The following CFAP54 variants were observed in gnomAD, a reference collection of about 807,000 sequenced individuals.
CFAP54 encodes the protein cilia and flagella associated protein 54, also known as cilia- and flagella-associated protein 54.
Under a neutral mutation model 370.4 loss-of-function variants are expected in CFAP54, and 290 were observed. The ratio of observed to expected loss-of-function variants is 0.78; its 90% confidence interval spans 0.71 to 0.86. The LOEUF (loss-of-function observed/expected upper bound fraction) is 0.86, where lower values mean the gene tolerates loss of function less well. Among genes scored for constraint, CFAP54 ranks in the 40% least tolerant of loss-of-function variants. The pLI, the probability that CFAP54 is intolerant of heterozygous loss-of-function variation, is 0.00. For missense variants in CFAP54, 3,399 were observed against 3,528.7 expected, an observed-to-expected ratio of 0.96 and a Z score of 0.93; for synonymous variants, 1,206 against 1,236.5, an observed-to-expected ratio of 0.98 and a Z score of 0.52.
Position 96,630,630 on chromosome 12 carries a change from C to G in CFAP54, c.4295C>G (p.Ser1432Cys). 6.7e-7 allele frequency: 1 copy of G among 1,495,884 alleles called. No homozygotes were observed. Among genetic ancestry groups the G allele is most frequent in the South Asian group, 1.3e-5 (1 of 76,136 alleles). The allele number at this position is 1,495,884 out of a possible 1,614,324, so 92.7% of individuals were successfully genotyped here. A position where few individuals can be genotyped will look rare whatever the true frequency, so the allele number is the denominator to read the frequency against. The stretch of plus-strand genomic sequence containing the variant: ...TTCATTTTTAAAAATCCGGCTATTT[C>G]TGAAATGGTGGCACATGAAAGGTAT... ...RDFIFKNPAI[S>C]EMVAHERNRR... The change falls in exon 32 of 68, where the codon TCT becomes TGT. Residue 1432 changes from serine to cysteine, a missense_variant. Transcript: ENST00000524981.
chr12:96,841,179 T>C (rs964824047), intron 66 of CFAP54, among the ~76,000 whole-genome samples: 6 of 152,240 alleles, frequency 3.9e-5, no homozygotes, highest in African/African-American at 1.4e-4. Context: ...GTGTATTTAC[T>C]GTGAACGTGA....
chr12:96,794,335 C>T, intron 63 of CFAP54, among the ~76,000 whole-genome samples: 1 of 152,078 alleles, frequency 6.6e-6, no homozygotes, highest in East Asian at 1.9e-4. Context: ...AATACATTTT[C>T]CAAACTTTTA....
intron 63 of CFAP54, among the ~76,000 whole-genome samples, chr12:96,806,985 A>G (rs1304519175): frequency 6.6e-6 from 1 of 152,196 alleles, no homozygotes; most frequent in Non-Finnish European, 1.5e-5. Context: ...GTAACTCCCA[A>G]GTATTATGCA....
Position 96,651,439 on chromosome 12 carries a change from A to G in CFAP54, c.4873-149A>G, listed in dbSNP as rs946401352. 25 of 648,846 alleles carry G rather than the reference A, an allele frequency of 3.9e-5. No homozygotes were observed. In the Admixed American group the frequency reaches 4.6e-4, roughly 12 times the overall value. The allele number at this position is 648,846 out of a possible 1,614,324, so 40.2% of individuals were successfully genotyped here. A position where few individuals can be genotyped will look rare whatever the true frequency, so the allele number is the denominator to read the frequency against. On this transcript the variant is annotated intron_variant, in intron 35 of 67. Transcript: ENST00000524981. ...GTTCGAAGTAAATGAGATAATGCAT[A>G]TAACAGTGTCTAACTCATGTAAGTG...
At chr12:96,825,322 ATT>A (rs569295392) in intron 65 of CFAP54, among the ~76,000 whole-genome samples, 40 of 123,848 alleles carry the variant, frequency 3.2e-4, no homozygotes, top group African/African-American at 1.1e-3. Flanking sequence ...TATAATATAT[ATT>A]ATATAACATG....
chr12:96,645,645 A>T (rs7956175), intron 33 of CFAP54: 5,090 of 153,710 alleles, frequency 0.033, 252 homozygotes, highest in African/African-American at 0.11. Flanking sequence ...TCGCCAAGTC[A>T]ATCCTAAGCC....
Position 96,720,860 on chromosome 12 carries a change from A to G in CFAP54, c.6965+295A>G, listed in dbSNP as rs571010522. Among the ~76,000 whole-genome samples the G allele has an allele frequency of 9.9e-5, 15 of 152,224 alleles. 1 individual carries two copies. The highest frequency in any genetic ancestry group is 3.6e-4 in the African/African-American group (15 of 41,524). The stretch of plus-strand genomic sequence containing the variant: ...AACACGAAGAAACCCTGTCTCTACT[A>G]AAATATGAAAATTAACCAGGCTTTG... On this transcript the variant is annotated intron_variant, in intron 50 of 67. Transcript: ENST00000524981.
At position 96,742,573 on chromosome 12, in the gene CFAP54, T is replaced by A; in HGVS notation, c.7206T>A (p.Ile2402=). 6.2e-7 allele frequency: 1 copy of A among 1,612,452 alleles called. No homozygotes were observed. The highest frequency in any genetic ancestry group is 2.2e-5 in the East Asian group (1 of 44,802). The change falls in exon 52 of 68, where the codon ATT becomes ATA. Residue 2402 remains isoleucine, a synonymous_variant. Coordinates refer to ENST00000524981, the MANE Select transcript of CFAP54 (RefSeq NM_001306084.2). ...CATTTGTTGCACAGATTCATGGCAT[T>A]GGAATTGTGAAAGGTACAAACATTT... ...VTAFVAQIHG[I]GIVKEDDMTD...
intron 39 of CFAP54, among the ~76,000 whole-genome samples, chr12:96,673,711 G>C (rs76060860): frequency 6.6e-6 from 1 of 152,104 alleles, no homozygotes; most frequent in Non-Finnish European, 1.5e-5. Flanking sequence ...AAAAGACAGA[G>C]TACTCATGAT....
chr12:96,829,935 A>T (rs1368030938), intron 66 of CFAP54, among the ~76,000 whole-genome samples: 1 of 152,018 alleles, frequency 6.6e-6, no homozygotes, highest in Non-Finnish European at 1.5e-5. Flanking sequence ...GTCTCTACGA[A>T]TTTGTCTATT....
At chr12:96,829,576 GATC>G (rs1959164397) in intron 66 of CFAP54, among the ~76,000 whole-genome samples, 1 of 151,968 alleles carries the variant, frequency 6.6e-6, no homozygotes, top group African/African-American at 2.4e-5. Flanking sequence ...TACATAGCTA[GATC>G]TTTATTGATG....
chr12:96,686,810 A>T (rs1341676211), intron 42 of CFAP54, among the ~76,000 whole-genome samples: 1 of 152,188 alleles, frequency 6.6e-6, no homozygotes, highest in Non-Finnish European at 1.5e-5. Flanking sequence ...GGACTTCAAC[A>T]TATGAATTTC....
Position 96,786,889 on chromosome 12 carries a change from A to G in CFAP54, c.8670A>G (p.Ser2890=). The part of the protein sequence containing the change: ...PPLSEKDLRE[S]SAKLYRDSSV... ...TTTCAGAAAAAGACTTACGTGAATC[A>G]TCTGCCAAGGTAACGTTTTTTGAAA... The change falls in exon 62 of 68, where the codon TCA becomes TCG. Residue 2890 remains serine (S), a synonymous_variant. Coordinates refer to ENST00000524981, the MANE Select transcript of CFAP54 (RefSeq NM_001306084.2). 13 of 1,529,166 alleles carry G rather than the reference A, an allele frequency of 8.5e-6. No individual in the cohort carries two copies. The highest frequency in any genetic ancestry group is 8.8e-6 in the Non-Finnish European group (10 of 1,142,716). The allele number at this position is 1,529,166 out of a possible 1,614,324, so 94.7% of individuals were successfully genotyped here. A position where few individuals can be genotyped will look rare whatever the true frequency, so the allele number is the denominator to read the frequency against.
At chr12:96,700,420 CA>C (rs1957479459) in intron 46 of CFAP54, among the ~76,000 whole-genome samples, 1 of 152,146 alleles carries the variant, frequency 6.6e-6, no homozygotes, top group African/African-American at 2.4e-5. Flanking sequence ...TTGAGTCTAA[CA>C]TTATAATTTC....
chr12:96,580,727 C>CTTTT, intron 21 of CFAP54, 38 bp downstream of exon 21: 1 of 1,309,182 alleles, frequency 7.6e-7, no homozygotes, highest in Non-Finnish European at 1.0e-6. Flanking sequence ...TTACTGAAGC[C>CTTTT]TTTAATGATA....
intron 13 of CFAP54, among the ~76,000 whole-genome samples, chr12:96,539,968 G>A (rs1037525176): frequency 2.6e-5 from 4 of 152,312 alleles, no homozygotes; most frequent in African/African-American, 9.6e-5. Flanking sequence ...GTATGCATAG[G>A]TGTGATTTTT....
intron 26 of CFAP54, among the ~76,000 whole-genome samples, chr12:96,610,401 G>T (rs1956344324): frequency 6.6e-6 from 1 of 151,872 alleles, no homozygotes; most frequent in Non-Finnish European, 1.5e-5. Flanking sequence ...AAGATAAACA[G>T]GGAGTTATGG....
At chr12:96,638,381 A>G (rs1391895902) in intron 32 of CFAP54, among the ~76,000 whole-genome samples, 2 of 151,196 alleles carry the variant, frequency 1.3e-5, no homozygotes, top group Non-Finnish European at 2.9e-5. Flanking sequence ...GACTGCAGGC[A>G]TGTACCACCA....
chr12:96,625,208 AGAT>A (rs1180116941), intron 28 of CFAP54, among the ~76,000 whole-genome samples: 1 of 152,248 alleles, frequency 6.6e-6, no homozygotes, highest in Non-Finnish European at 1.5e-5. Flanking sequence ...AGCCAGAAGA[AGAT>A]ACTATTATTA....
Sources: gnomAD v4.1 joint callset for allele counts (sites outside exome capture counted in the v4.1 genomes callset) on GRCh38, gnomAD v4.1.1 for gene constraint, MANE v1.5 for transcripts, NCBI Gene and HGNC (gene_info 2026-07-23, HGNC 2026-07-21) for gene names.